Variants in PAXBP1 observed in about 807,000 individuals in gnomAD.
The protein encoded by PAXBP1 is PAX3- and PAX7-binding protein 1.
In PAXBP1, 44 loss-of-function variants were observed where a neutral mutation model predicts 119.9. That is an observed-to-expected ratio of 0.37 (90% CI 0.29 to 0.47). The LOEUF is 0.47. PAXBP1 is among the 20% of genes least tolerant of loss of function. The pLI, the probability that PAXBP1 is intolerant of heterozygous loss-of-function variation, is 0.99. For missense variants in PAXBP1, 898 were observed against 1,134.1 expected (o/e 0.79, Z 2.99); for synonymous variants, 393 against 406.6 (o/e 0.97, Z 0.40).
chr21:32,750,944 C>T lies in PAXBP1; in HGVS notation c.1696G>A (p.Asp566Asn). The change falls in exon 10 of 18, where the codon GAT becomes AAT. Residue 566 changes from aspartate to asparagine, a missense_variant. Around this residue, in one of 2 missense-constraint regions of PAXBP1, gnomAD observed 599 missense variants for 852.7 expected, o/e 0.70. Coordinates refer to ENST00000331923, the MANE Select transcript of PAXBP1 (RefSeq NM_016631.4). Reference sequence around the variant, plus strand: ...TTTTCCAGATTGAAATTAGTAATATCTGTAGAAGTTTCTTCATCATCACTG... The same window carrying T: ...TTTTCCAGATTGAAATTAGTAATATTTGTAGAAGTTTCTTCATCATCACTG... ...LSSDDEETSTDITNFNLEKDR... is the reference protein window; with the variant it reads ...LSSDDEETSTNITNFNLEKDR... 1 of 1,613,398 alleles carries T rather than the reference C, an allele frequency of 6.2e-7. No homozygotes were observed. Among genetic ancestry groups the T allele is most frequent in the South Asian group, 1.1e-5 (1 of 90,944 alleles).
At chr21:32,738,376 A>T (rs751717292) in intron 15 of PAXBP1, 57 bp from the exon 16 acceptor site, 135 of 1,389,526 alleles carry the variant, frequency 9.7e-5, no homozygotes, top group Non-Finnish European at 1.3e-4. Flanking sequence ...TACAAAGTAA[A>T]TAAGTTACAT....
At chr21:32,759,500 A>C (rs1211018795) in intron 6 of PAXBP1, 1 of 604,394 alleles carries the variant, frequency 1.7e-6, no homozygotes, top group African/African-American at 1.9e-5. Flanking sequence ...TTTTCCCCCC[A>C]TAGCGTGACT....
chr21:32,770,664 C>T (rs1294468041), intron 1 of PAXBP1, among the ~76,000 whole-genome samples: 4 of 152,198 alleles, frequency 2.6e-5, no homozygotes, highest in Non-Finnish European at 4.4e-5. Context: ...TCTAAAACCA[C>T]TGCAGCCTGG....
chr21:32,734,950 CTAT>C lies in PAXBP1; in HGVS notation c.2751_2753del (p.Ter918delextTer16), dbSNP rs1296741586. On this transcript the variant is annotated stop_lost and inframe_deletion, in exon 18 of 18. Transcript: ENST00000331923. The stretch of plus-strand genomic sequence containing the variant: ...AAATAGGTTTTTCAGTCTCATAGAT[CTAT>C]TTTCCTTCGATCAAAGACTTAAATT... 6.2e-7 allele frequency: 1 copy of C among 1,608,128 alleles called. No individual in the cohort carries two copies. Among genetic ancestry groups the C allele is most frequent in the Admixed American group, 1.7e-5 (1 of 59,970 alleles).
In PAXBP1 at chr21:32,748,541, G is replaced by T; in HGVS notation, c.1881C>A (p.Asn627Lys). Residue 627 changes from asparagine (N) to lysine (K), a missense_variant, in exon 11 of 18, where the codon AAC becomes AAA. Physicochemically the swap from Asn to Lys is moderately conservative, Grantham distance 94. This residue lies in a region of PAXBP1 where 599 missense variants were observed against 852.7 expected (regional missense o/e 0.70). Coordinates refer to ENST00000331923, the MANE Select transcript of PAXBP1 (RefSeq NM_016631.4). ...YIGLCLPKLFNPLIRLQLLTW... is the reference protein window; with the variant it reads ...YIGLCLPKLFKPLIRLQLLTW... ...TGAGGAGCTGAAGTCGTATGAGGGG[G>T]TTGAATAATTTTGGCAAACAAAGGC... 1 of 1,614,012 alleles carries T rather than the reference G, an allele frequency of 6.2e-7. No homozygotes were observed. The highest frequency in any genetic ancestry group is 8.5e-7 in the Non-Finnish European group (1 of 1,179,932).
rs529108128 is a variant in PAXBP1, at chr21:32,745,563, A to T, written c.2068+11T>A. On this transcript the variant is annotated intron_variant, in intron 12 of 17. Transcript: ENST00000331923. The stretch of plus-strand genomic sequence containing the variant: ...TGTCTGAATGCTCAATTCAGAGAAC[A>T]GGAGATTTACCTGTTAGTTTAGGAA... 80 of 1,613,806 alleles carry T rather than the reference A, an allele frequency of 5.0e-5. 2 individuals are homozygous for T. In the South Asian group the frequency reaches 7.5e-4, roughly 15 times the overall value.
At chr21:32,767,558 T>C (rs1027266337) in intron 2 of PAXBP1, among the ~76,000 whole-genome samples, 3 of 152,200 alleles carry the variant, frequency 2.0e-5, no homozygotes, top group Non-Finnish European at 2.9e-5. Flanking sequence ...CTACGTGTTG[T>C]GGAAGGGACC....
intron 12 of PAXBP1, 80 bp from the exon 13 acceptor site, chr21:32,744,993 C>A: frequency 7.2e-7 from 1 of 1,383,098 alleles, no homozygotes; most frequent in Non-Finnish European, 9.9e-7. Context: ...CTATTAATGC[C>A]AATCCTAATT....
At chr21:32,747,217 T>C (rs1232986115) in intron 11 of PAXBP1, among the ~76,000 whole-genome samples, 1 of 152,064 alleles carries the variant, frequency 6.6e-6, no homozygotes, top group African/African-American at 2.4e-5. Context: ...TCTGCACATG[T>C]ACCCTGGAAC....
rs1377274331 is a variant in PAXBP1 at position 32,738,173 on chromosome 21, A to C, written c.2481T>G (p.Asn827Lys). 3 of 1,569,812 alleles carry C rather than the reference A, an allele frequency of 1.9e-6. No homozygotes were observed. Among genetic ancestry groups the C allele is most frequent in the Non-Finnish European group, 2.6e-6 (3 of 1,165,788 alleles). ...YGDDSIKKAQ[N>K]VINCFPKQWF... The stretch of plus-strand genomic sequence containing the variant: ...AAACTGTACTATGCATTTAACTCAC[A>C]TTTTGGGCTTTTTTGATGCTGTCAT... Residue 827 changes from asparagine to lysine, a missense_variant and splice_region_variant, in exon 16 of 18, where the codon AAT (asparagine) becomes AAG (lysine). Asn to Lys is a moderately conservative substitution (Grantham distance 94). Around this residue, in one of 2 missense-constraint regions of PAXBP1, gnomAD observed 599 missense variants for 852.7 expected, o/e 0.70. Coordinates refer to ENST00000331923, the MANE Select transcript of PAXBP1 (RefSeq NM_016631.4).
intron 2 of PAXBP1, among the ~76,000 whole-genome samples, chr21:32,767,369 G>C (rs1013676919): frequency 6.6e-6 from 1 of 152,168 alleles, no homozygotes; most frequent in Non-Finnish European, 1.5e-5. Context: ...ACATTAATTG[G>C]AGTTATCTAG....
intron 2 of PAXBP1, 83 bp downstream of exon 2, chr21:32,769,731 G>A (rs1324267209): frequency 7.5e-6 from 11 of 1,469,732 alleles, no homozygotes; most frequent in South Asian, 5.0e-5. Context: ...CACTGAATGA[G>A]TTCAGAAGAT....
At chr21:32,756,229 G>A (rs530272881) in intron 7 of PAXBP1, 12 of 508,558 alleles carry the variant, frequency 2.4e-5, no homozygotes, top group African/African-American at 6.0e-5. Context: ...AGACTTTCAC[G>A]TAACACTAAT....
At chr21:32,758,645 A>T (rs1336870583) in intron 7 of PAXBP1, among the ~76,000 whole-genome samples, 2 of 32,190 alleles carry the variant, frequency 6.2e-5, no homozygotes, top group Non-Finnish European at 1.2e-4. Flanking sequence ...CATCCAGGGT[A>T]AAAAAAAAAA....
At chr21:32,762,670 G>C (rs1569166462) in intron 3 of PAXBP1, among the ~76,000 whole-genome samples, 1 of 151,824 alleles carries the variant, frequency 6.6e-6, no homozygotes, top group Non-Finnish European at 1.5e-5. Flanking sequence ...TGTAATCCCA[G>C]CACTTTGGGA....
chr21:32,768,723 GCA>G (rs2146528920), intron 2 of PAXBP1, among the ~76,000 whole-genome samples: 1 of 152,292 alleles, frequency 6.6e-6, no homozygotes. Context: ...CACCATCTTG[GCA>G]AGCCACTGTA....
At position 32,744,696 on chromosome 21, in the gene PAXBP1, C is replaced by A. The variant is rs533463870; in HGVS notation, c.2190+96G>T. ...TGGCCCAAGTGGGAGAACCAGATTT[C>A]TGATTGGTTTAGGATAACCACTCAT... On this transcript the variant is annotated intron_variant, in intron 13 of 17. Coordinates refer to ENST00000331923, the MANE Select transcript of PAXBP1 (RefSeq NM_016631.4). 55 of 1,250,332 alleles carry A rather than the reference C, an allele frequency of 4.4e-5. No individual in the cohort carries two copies. In the South Asian group the frequency reaches 1.1e-3, roughly 26 times the overall value. The allele number at this position is 1,250,332 out of a possible 1,614,324, so 77.5% of individuals were successfully genotyped here. A position where few individuals can be genotyped will look rare whatever the true frequency, so the allele number is the denominator to read the frequency against.
intron 15 of PAXBP1, among the ~76,000 whole-genome samples, chr21:32,739,038 C>A (rs1213350263): frequency 6.6e-6 from 1 of 152,216 alleles, no homozygotes; most frequent in East Asian, 1.9e-4. Flanking sequence ...ACCTTAATCT[C>A]TTCAGAACCC....
chr21:32,735,652 A>C (rs754867056), intron 17 of PAXBP1, among the ~76,000 whole-genome samples: 2 of 152,216 alleles, frequency 1.3e-5, no homozygotes, highest in Non-Finnish European at 2.9e-5. Flanking sequence ...TGAAATGCAG[A>C]TCATCCCTGG....
Sources: allele counts gnomAD v4.1 joint callset (sites outside exome capture counted in the v4.1 genomes callset), GRCh38; gene constraint gnomAD v4.1.1; regional missense constraint gnomAD v4.1.1; transcripts MANE v1.5; gene names NCBI Gene and HGNC (gene_info 2026-07-23, HGNC 2026-07-21).